Variants in FZD1 observed in about 807,000 individuals in gnomAD.
FZD1 encodes frizzled-1.
A neutral mutation model predicts 48.0 loss-of-function variants in FZD1; 22 were observed. The observed-to-expected ratio is 0.46, with a 90% CI of 0.33 to 0.65. The LOEUF (loss-of-function observed/expected upper bound fraction) is 0.65. Ranked by LOEUF, FZD1 falls within the 30% of genes least tolerant of loss-of-function variation. FZD1 has a pLI of 0.02. For synonymous variants in FZD1, 486 were observed against 409.6 expected, an observed-to-expected ratio of 1.19 and a Z score of -2.25; for missense variants, 843 against 898.1, an observed-to-expected ratio of 0.94 and a Z score of 0.78.
rs1056971797 is a variant in FZD1 at position 91,269,797 on chromosome 7, CCTCA to C, written c.*2976_*2979del. The C allele has an allele frequency of 2.4e-5, 4 of 166,906 alleles. No homozygotes were observed. Among genetic ancestry groups the C allele is most frequent in the African/African-American group, 7.2e-5 (3 of 41,424 alleles). 10.3% of individuals were successfully genotyped at this position (166,906 alleles called of 1,614,324 possible). A position where few individuals can be genotyped will look rare whatever the true frequency, so the allele number is the denominator to read the frequency against. ...TCTTAGGCCAAATTCACACATATCT[CCTCA>C]CTAAGTAGTTCAATTAGATAATTTC... On this transcript the variant is annotated 3_prime_UTR_variant, in exon 1 of 1. Transcript: ENST00000287934.
In FZD1 at chr7:91,265,886, T is replaced by C; in HGVS notation, c.1006T>C (p.Phe336Leu). The C allele has an allele frequency of 8.7e-6, 14 of 1,614,100 alleles. No individual in the cohort carries two copies. The highest frequency in any genetic ancestry group is 1.2e-5 in the Non-Finnish European group (14 of 1,179,924). The stretch of plus-strand genomic sequence containing the variant: ...AGTGCTGTGCTGCGCCTCCACGCTC[T>C]TCACGGTGCTTACGTACCTGGTGGA... ...WSVLCCASTL[F>L]TVLTYLVDMR... is the part of the protein sequence containing the mutation. Residue 336 changes from phenylalanine to leucine, a missense_variant, in exon 1 of 1, where the codon TTC becomes CTC. Phe to Leu is a conservative substitution (Grantham distance 22). This residue lies in a region of FZD1 where 353 missense variants were observed against 431.6 expected (regional missense o/e 0.82). Transcript: ENST00000287934. The surrounding 1 kb of genome is among the most constrained non-coding windows in gnomAD (Gnocchi z 6.9).
Position 91,266,661 on chromosome 7 carries a change from C to T in FZD1, c.1781C>T (p.Pro594Leu). 3.1e-6 allele frequency: 5 copies of T among 1,613,246 alleles called. No homozygotes were observed. The highest frequency in any genetic ancestry group is 1.1e-5 in the South Asian group (1 of 91,082). ...LQAGGGAPPH[P>L]PMSPDFTVFM... ...GCGGGCGGAGGCGCCCCGCCGCACC[C>T]GCCCATGAGCCCGGACTTCACGGTC... The change falls in exon 1 of 1, where the codon CCG (proline) becomes CTG (leucine). Residue 594 changes from proline (P) to leucine (L), a missense_variant. Coordinates refer to ENST00000287934, the MANE Select transcript of FZD1 (RefSeq NM_003505.2). The surrounding 1 kb of genome is among the most constrained non-coding windows in gnomAD (Gnocchi z 6.8).
At position 91,269,557 on chromosome 7, in the gene FZD1, A is replaced by G. The variant is rs1160841550; in HGVS notation, c.*2733A>G. 2.4e-5 allele frequency: 4 copies of G among 167,032 alleles called. No homozygotes were observed. Among genetic ancestry groups the G allele is most frequent in the South Asian group, 2.1e-4 (1 of 4,830 alleles). The allele number at this position is 167,032 out of a possible 1,614,324, so 10.3% of individuals were successfully genotyped here. A position where few individuals can be genotyped will look rare whatever the true frequency, so the allele number is the denominator to read the frequency against. ...ATGACAAGGGACTAAAATGAAGATC[A>G]TTGATACAATAGAGTTACTTTCCTT... is the stretch of plus-strand genomic sequence containing the variant. On this transcript the variant is annotated 3_prime_UTR_variant, in exon 1 of 1. Transcript: ENST00000287934.
At position 91,270,797 on chromosome 7, in the gene FZD1, C is replaced by T. The variant is rs1803956695; in HGVS notation, c.*3973C>T. ...CTGATTCATTTCTTATTATAATAGT[C>T]TGTGTAACTGGGGCCTGAGAGATTA... On this transcript the variant is annotated 3_prime_UTR_variant, in exon 1 of 1. Transcript: ENST00000287934. The T allele has an allele frequency of 6.0e-6, 1 of 166,962 alleles. No individual in the cohort carries two copies. Among genetic ancestry groups the T allele is most frequent in the Admixed American group, 6.5e-5 (1 of 15,268 alleles). 10.3% of individuals were successfully genotyped at this position (166,962 alleles called of 1,614,324 possible).
rs1046009111 is a variant in FZD1 at position 91,265,099 on chromosome 7, G to A, written c.219G>A (p.Gln73=). 4.8e-5 allele frequency: 67 copies of A among 1,393,830 alleles called. No individual in the cohort carries two copies. The highest frequency in any genetic ancestry group is 5.6e-5 in the Non-Finnish European group (60 of 1,076,770). 86.3% of individuals were successfully genotyped at this position (1,393,830 alleles called of 1,614,324 possible). ...CGCTGCTGCTGGGGGTCCGGGCCCA[G>A]GCGGCGGGCCAGGGGCCAGGCCAGG... ...EAPLLLGVRA[Q]AAGQGPGQGP... The change falls in exon 1 of 1, where the codon CAG becomes CAA. Residue 73 remains glutamine (Q), a synonymous_variant. Transcript: ENST00000287934. This position sits in a 1 kb window ranked among gnomAD's most constrained non-coding sequence, Gnocchi z 6.9.
rs780333274 is a variant in FZD1 at position 91,266,781 on chromosome 7, A to C, written c.1901A>C (p.Tyr634Ser). 1.2e-6 allele frequency: 2 copies of C among 1,609,510 alleles called. No individual in the cohort carries two copies. Among genetic ancestry groups the C allele is most frequent in the Admixed American group, 3.3e-5 (2 of 59,768 alleles). Residue 634 changes from tyrosine (Y) to serine (S), a missense_variant, in exon 1 of 1, where the codon TAC (tyrosine) becomes TCC (serine). This residue lies in a region of FZD1 where 353 missense variants were observed against 431.6 expected (regional missense o/e 0.82). Coordinates refer to ENST00000287934, the MANE Select transcript of FZD1 (RefSeq NM_003505.2). The surrounding 1 kb of genome is among the most constrained non-coding windows in gnomAD (Gnocchi z 6.8). ...ACCCTCAACTCCTGGAGGAAGTTCT[A>C]CACGAGGCTCACCAACAGCAAACAA... ...GKTLNSWRKF[Y>S]TRLTNSKQGE...
Position 91,267,613 on chromosome 7 carries a change from G to A in FZD1, c.*789G>A, listed in dbSNP as rs981904989. 1.8e-5 allele frequency: 3 copies of A among 167,012 alleles called. No individual in the cohort carries two copies. Among genetic ancestry groups the A allele is most frequent in the African/African-American group, 4.8e-5 (2 of 41,426 alleles). The allele number at this position is 167,012 out of a possible 1,614,324, so 10.3% of individuals were successfully genotyped here. A position where few individuals can be genotyped will look rare whatever the true frequency, so the allele number is the denominator to read the frequency against. ...CAGAACTTTCCTCCAACTTCATGGG[G>A]GCCCACGGGTGTGGGCGCTGGCAGT... On this transcript the variant is annotated 3_prime_UTR_variant, in exon 1 of 1. Transcript: ENST00000287934.
Position 91,264,901 on chromosome 7 carries a change from TA to T in FZD1, c.23del (p.Lys8ArgfsTer149). 7.6e-7 allele frequency: 1 copy of T among 1,318,244 alleles called. No individual in the cohort carries two copies. Among genetic ancestry groups the T allele is most frequent in the Non-Finnish European group, 9.6e-7 (1 of 1,039,414 alleles). The allele number at this position is 1,318,244 out of a possible 1,614,324, so 81.7% of individuals were successfully genotyped here. A position where few individuals can be genotyped will look rare whatever the true frequency, so the allele number is the denominator to read the frequency against. On this transcript the variant is annotated frameshift_variant, in exon 1 of 1. Transcript: ENST00000287934. LOFTEE classifies it high-confidence loss of function. Reference protein sequence around the residue: MAEEEAPKKSRAAGGGAS... With the variant: MAEEEAPXKSRAAGGGAS... Reference sequence around the variant, plus strand: ...AAAGTATGGCTGAGGAGGAGGCGCCTAAGAAGTCCCGGGCCGCCGGCGGTGG... The same window carrying T: ...AAAGTATGGCTGAGGAGGAGGCGCCTAGAAGTCCCGGGCCGCCGGCGGTGG...
At position 91,268,368 on chromosome 7, in the gene FZD1, T is replaced by C. The variant is rs1012019871; in HGVS notation, c.*1544T>C. 3 of 167,120 alleles carry C rather than the reference T, an allele frequency of 1.8e-5. No homozygotes were observed. In the Admixed American group the frequency reaches 2.0e-4, roughly 11 times the overall value. The allele number at this position is 167,120 out of a possible 1,614,324, so 10.4% of individuals were successfully genotyped here. On this transcript the variant is annotated 3_prime_UTR_variant, in exon 1 of 1. Transcript: ENST00000287934. ...AAAGGGAAAATGTGTGCAGGTCTAC[T>C]GCATTAAATCCTGTGTGCTCCTCTT...
rs575983970 is a variant in FZD1 at position 91,264,879 on chromosome 7, G to A, written c.-2G>A. On this transcript the variant is annotated 5_prime_UTR_variant, in exon 1 of 1. Coordinates refer to ENST00000287934, the MANE Select transcript of FZD1 (RefSeq NM_003505.2). The stretch of plus-strand genomic sequence containing the variant: ...CGGCGCCAAGAGAGGAGCCGAGAAA[G>A]TATGGCTGAGGAGGAGGCGCCTAAG... The A allele has an allele frequency of 6.8e-5, 89 of 1,301,030 alleles. 1 individual carries two copies. In the East Asian group the frequency reaches 1.2e-3, roughly 18 times the overall value. 80.6% of individuals were successfully genotyped at this position (1,301,030 alleles called of 1,614,324 possible). A position where few individuals can be genotyped will look rare whatever the true frequency, so the allele number is the denominator to read the frequency against.
Position 91,264,788 on chromosome 7 carries a change from G to T in FZD1, c.-93G>T. The T allele has an allele frequency of 1.2e-6, 1 of 853,652 alleles. No individual in the cohort carries two copies. Among genetic ancestry groups the T allele is most frequent in the South Asian group, 4.5e-5 (1 of 22,292 alleles). The allele number at this position is 853,652 out of a possible 1,614,324, so 52.9% of individuals were successfully genotyped here. On this transcript the variant is annotated 5_prime_UTR_variant, in exon 1 of 1. Transcript: ENST00000287934. ...GGCTTGGGCTCGACGGAGGGCACCC[G>T]CGCAGAGGTCTCCCTGGCCGCAGGG...
rs1295449068 is a variant in FZD1, at chr7:91,267,841, A to T, written c.*1017A>T. On this transcript the variant is annotated 3_prime_UTR_variant, in exon 1 of 1. Transcript: ENST00000287934. ...AAGATGTGGTTACTGAGATTTGGGA[A>T]GAAGCATGAAGCTTTGTGTGGGTTG... is the stretch of plus-strand genomic sequence containing the variant. The T allele has an allele frequency of 6.0e-6, 1 of 167,114 alleles. No individual in the cohort carries two copies. Among genetic ancestry groups the T allele is most frequent in the African/African-American group, 2.4e-5 (1 of 41,456 alleles). 10.4% of individuals were successfully genotyped at this position (167,114 alleles called of 1,614,324 possible). A position where few individuals can be genotyped will look rare whatever the true frequency, so the allele number is the denominator to read the frequency against.
rs777680747 is a variant in FZD1 at position 91,265,235 on chromosome 7, A to G, written c.355A>G (p.Ile119Val). Reference protein sequence around the residue: ...SVPDHGYCQPISIPLCTDIAY... With the variant: ...SVPDHGYCQPVSIPLCTDIAY... Reference sequence around the variant, plus strand: ...CCCGGACCACGGCTATTGCCAGCCCATCTCCATCCCGCTGTGCACGGACAT... The same window carrying G: ...CCCGGACCACGGCTATTGCCAGCCCGTCTCCATCCCGCTGTGCACGGACAT... Residue 119 changes from isoleucine to valine, a missense_variant, in exon 1 of 1, where the codon ATC becomes GTC. Ile to Val is a conservative substitution (Grantham distance 29, BLOSUM62 3). Around this residue, in one of 2 missense-constraint regions of FZD1, gnomAD observed 490 missense variants for 466.5 expected, o/e 1.05. Coordinates refer to ENST00000287934, the MANE Select transcript of FZD1 (RefSeq NM_003505.2). This position sits in a 1 kb window ranked among gnomAD's most constrained non-coding sequence, Gnocchi z 6.9. The G allele has an allele frequency of 6.2e-6, 10 of 1,614,060 alleles. No individual in the cohort carries two copies. The Admixed American group carries it at 6.7e-5, about 11-fold the overall frequency.
In FZD1 at chr7:91,267,858, T is replaced by A. The variant is rs567498853; in HGVS notation, c.*1034T>A. On this transcript the variant is annotated 3_prime_UTR_variant, in exon 1 of 1. Transcript: ENST00000287934. ...ATTTGGGAAGAAGCATGAAGCTTTG[T>A]GTGGGTTGGAAGAGACTGAAGATAT... The A allele has an allele frequency of 1.8e-5, 3 of 167,182 alleles. No individual in the cohort carries two copies. In the Admixed American group the frequency reaches 2.0e-4, roughly 11 times the overall value. 10.4% of individuals were successfully genotyped at this position (167,182 alleles called of 1,614,324 possible).
rs192352194 is a variant in FZD1 at position 91,268,568 on chromosome 7, C to G, written c.*1744C>G. ...CCTAAATTTATCTATGTCTGTCATACGCTAAAATGATATTGGTCTTTGAAT... is the reference window on the plus strand; with the variant it reads ...CCTAAATTTATCTATGTCTGTCATAGGCTAAAATGATATTGGTCTTTGAAT... On this transcript the variant is annotated 3_prime_UTR_variant, in exon 1 of 1. Coordinates refer to ENST00000287934, the MANE Select transcript of FZD1 (RefSeq NM_003505.2). 6.1e-6 allele frequency: 1 copy of G among 164,110 alleles called. No homozygotes were observed. Among genetic ancestry groups the G allele is most frequent in the African/African-American group, 2.6e-5 (1 of 38,802 alleles). The allele number at this position is 164,110 out of a possible 1,614,324, so 10.2% of individuals were successfully genotyped here. A position where few individuals can be genotyped will look rare whatever the true frequency, so the allele number is the denominator to read the frequency against.
rs1323408966 is a variant in FZD1 at position 91,269,380 on chromosome 7, T to G, written c.*2556T>G. On this transcript the variant is annotated 3_prime_UTR_variant, in exon 1 of 1. Transcript: ENST00000287934. The stretch of plus-strand genomic sequence containing the variant: ...TACACATAAGTATATATGCATTAAT[T>G]TTTATAAAATAGAGATGTAAAGTTT... 2 of 166,928 alleles carry G rather than the reference T, an allele frequency of 1.2e-5. No individual in the cohort carries two copies. The highest frequency in any genetic ancestry group is 4.8e-5 in the African/African-American group (2 of 41,462). 10.3% of individuals were successfully genotyped at this position (166,928 alleles called of 1,614,324 possible). A position where few individuals can be genotyped will look rare whatever the true frequency, so the allele number is the denominator to read the frequency against.
Position 91,268,002 on chromosome 7 carries a change from G to A in FZD1, c.*1178G>A, listed in dbSNP as rs1390760956. 1 of 167,070 alleles carries A rather than the reference G, an allele frequency of 6.0e-6. No individual in the cohort carries two copies. Among genetic ancestry groups the A allele is most frequent in the Non-Finnish European group, 1.5e-5 (1 of 68,126 alleles). The allele number at this position is 167,070 out of a possible 1,614,324, so 10.3% of individuals were successfully genotyped here. ...AAAATGGAAATGTTGAGGTCACCTG[G>A]AAAGCTTTGTTAAGGAGTTGATGTT... On this transcript the variant is annotated 3_prime_UTR_variant, in exon 1 of 1. Coordinates refer to ENST00000287934, the MANE Select transcript of FZD1 (RefSeq NM_003505.2).
In FZD1 at chr7:91,269,210, G is replaced by A. The variant is rs1177865354; in HGVS notation, c.*2386G>A. The A allele has an allele frequency of 6.0e-6, 1 of 166,696 alleles. No homozygotes were observed. Among genetic ancestry groups the A allele is most frequent in the Admixed American group, 6.6e-5 (1 of 15,244 alleles). The allele number at this position is 166,696 out of a possible 1,614,324, so 10.3% of individuals were successfully genotyped here. On this transcript the variant is annotated 3_prime_UTR_variant, in exon 1 of 1. Coordinates refer to ENST00000287934, the MANE Select transcript of FZD1 (RefSeq NM_003505.2). ...TCATAAACATTTTAAACAGCAATTG[G>A]GTTTGTAAGGCTGTTTTGTTGTTTG...
chr7:91,266,818 A>T lies in FZD1; in HGVS notation c.1938A>T (p.Thr646=). ...CCAACAGCAAACAAGGGGAGACTAC[A>T]GTCTGAGACCCGGGGCTCAGCCCAT... The part of the protein sequence containing the change: ...RLTNSKQGET[T]V Residue 646 remains threonine (T), a synonymous_variant, in exon 1 of 1, where the codon ACA becomes ACT. Transcript: ENST00000287934. The surrounding 1 kb of genome is among the most constrained non-coding windows in gnomAD (Gnocchi z 6.8). 1 of 1,579,426 alleles carries T rather than the reference A, an allele frequency of 6.3e-7. No homozygotes were observed. Among genetic ancestry groups the T allele is most frequent in the East Asian group, 2.2e-5 (1 of 44,472 alleles).
Sources: allele counts gnomAD v4.1 joint callset, GRCh38; gene constraint gnomAD v4.1.1; regional missense constraint gnomAD v4.1.1; non-coding constraint Gnocchi (gnomAD v3.1); transcripts MANE v1.5; gene names NCBI Gene and HGNC (gene_info 2026-07-23, HGNC 2026-07-21).